The following LRFN5 variants were observed in gnomAD, a reference collection of about 807,000 sequenced individuals.
The protein encoded by LRFN5 is leucine rich repeat and fibronectin type III domain containing 5, also known as leucine-rich repeat and fibronectin type-III domain-containing protein 5.
Under a neutral mutation model 45.6 loss-of-function variants are expected in LRFN5, and 24 were observed. That is an observed-to-expected ratio of 0.53 (90% CI 0.38 to 0.74). The LOEUF is 0.74. Among genes scored for constraint, LRFN5 ranks in the 30% least tolerant of loss-of-function variants. The pLI is 0.00. For synonymous variants in LRFN5, 340 were observed against 313.8 expected, an observed-to-expected ratio of 1.08 and a Z score of -0.88; for missense variants, 776 against 861.5, an observed-to-expected ratio of 0.90 and a Z score of 1.24.
At chr14:41,879,307 C>T (rs1328004557) in intron 2 of LRFN5, among the ~76,000 whole-genome samples, 1 of 151,780 alleles carries the variant, frequency 6.6e-6, no homozygotes, top group Non-Finnish European at 1.5e-5. Flanking sequence ...TATTATTCTT[C>T]CTTTGGAGCA....
At chr14:41,791,102 G>C (rs1166680554) in intron 2 of LRFN5, among the ~76,000 whole-genome samples, 1 of 151,546 alleles carries the variant, frequency 6.6e-6, no homozygotes, top group Non-Finnish European at 1.5e-5. Context: ...TTGACTTTAA[G>C]AGTTAAAAAT....
intron 1 of LRFN5, among the ~76,000 whole-genome samples, chr14:41,623,290 TG>T (rs1356418862): frequency 2.0e-5 from 3 of 152,142 alleles, no homozygotes; most frequent in African/African-American, 7.2e-5. Context: ...GTCCCATACC[TG>T]CCACCTTGTG....
chr14:41,903,815 T>G (rs1377132191), intron 5 of LRFN5, among the ~76,000 whole-genome samples: 1 of 152,036 alleles, frequency 6.6e-6, no homozygotes, highest in Non-Finnish European at 1.5e-5. Flanking sequence ...TTTGTTTATC[T>G]TACCTTGAAA....
intron 1 of LRFN5, among the ~76,000 whole-genome samples, chr14:41,690,547 T>A (rs1315766870): frequency 6.6e-6 from 1 of 152,070 alleles, no homozygotes; most frequent in Non-Finnish European, 1.5e-5. Context: ...AAAGCAACAC[T>A]CTGTCTCAAA....
chr14:41,838,482 C>T (rs1301952815), intron 2 of LRFN5, among the ~76,000 whole-genome samples: 1 of 152,124 alleles, frequency 6.6e-6, no homozygotes, highest in Non-Finnish European at 1.5e-5. Context: ...TTTCTAATTT[C>T]TGCATTTAGA....
intron 1 of LRFN5, among the ~76,000 whole-genome samples, chr14:41,641,325 A>G (rs1481493399): frequency 6.6e-6 from 1 of 152,102 alleles, no homozygotes; most frequent in Non-Finnish European, 1.5e-5. Flanking sequence ...ATTTCGTAAA[A>G]TGGATGAAAG....
chr14:41,895,024 G>T (rs1163664821), intron 4 of LRFN5: 2 of 983,042 alleles, frequency 2.0e-6, no homozygotes, highest in Non-Finnish European at 2.4e-6. Flanking sequence ...TTGTCATTTT[G>T]CATTATAGTT....
chr14:41,630,917 G>A (rs1315077812), intron 1 of LRFN5, among the ~76,000 whole-genome samples: 1 of 152,020 alleles, frequency 6.6e-6, no homozygotes, highest in East Asian at 1.9e-4. Flanking sequence ...ATAATCTGGA[G>A]ATCTTTTCTG....
At chr14:41,659,921 A>G (rs1411599820) in intron 1 of LRFN5, among the ~76,000 whole-genome samples, 1 of 148,314 alleles carries the variant, frequency 6.7e-6, no homozygotes, top group Non-Finnish European at 1.5e-5. Context: ...AATTTGCTTA[A>G]GTTCTTTGTA....
chr14:41,761,014 G>A (rs958731679), intron 1 of LRFN5, among the ~76,000 whole-genome samples: 11 of 152,092 alleles, frequency 7.2e-5, no homozygotes, highest in African/African-American at 2.7e-4. Flanking sequence ...CCTGATGGAA[G>A]TAGTGGAAAG....
intron 1 of LRFN5, among the ~76,000 whole-genome samples, chr14:41,705,427 A>C (rs1047730961): frequency 1.1e-4 from 16 of 152,212 alleles, no homozygotes; most frequent in African/African-American, 3.4e-4. Flanking sequence ...TATATGAAAT[A>C]ATACATACTA....
intron 2 of LRFN5, among the ~76,000 whole-genome samples, chr14:41,857,922 A>G (rs1249503978): frequency 6.6e-6 from 1 of 152,222 alleles, no homozygotes; most frequent in African/African-American, 2.4e-5. Context: ...AAGAGCTGAA[A>G]TGATTGGGCA....
intron 1 of LRFN5, among the ~76,000 whole-genome samples, chr14:41,749,292 A>G (rs566664313): frequency 4.1e-4 from 62 of 152,258 alleles, no homozygotes; most frequent in Middle Eastern, 3.4e-3. Context: ...GACTGAATCC[A>G]TTTATAAAGC....
intron 2 of LRFN5, among the ~76,000 whole-genome samples, chr14:41,863,686 T>A (rs1318621516): frequency 6.6e-6 from 1 of 152,224 alleles, no homozygotes; most frequent in Non-Finnish European, 1.5e-5. Flanking sequence ...TAAAGAATGA[T>A]TTGTTTTATT....
At chr14:41,671,727 C>T (rs1339093554) in intron 1 of LRFN5, among the ~76,000 whole-genome samples, 2 of 146,820 alleles carry the variant, frequency 1.4e-5, no homozygotes, top group Non-Finnish European at 3.0e-5. Flanking sequence ...AGCTATTCTC[C>T]TGCCTCTCAG....
intron 1 of LRFN5, among the ~76,000 whole-genome samples, chr14:41,623,846 A>G (rs1200335004): frequency 6.6e-6 from 1 of 152,106 alleles, no homozygotes; most frequent in African/African-American, 2.4e-5. Flanking sequence ...TCCCCTTTTC[A>G]TAGTCATTTT....
chr14:41,877,110 G>A (rs186028732), intron 2 of LRFN5, among the ~76,000 whole-genome samples: 8 of 152,130 alleles, frequency 5.3e-5, no homozygotes, highest in Admixed American at 3.3e-4. Flanking sequence ...GGAAATAGAT[G>A]TCTCTCTCTC....
chr14:41,723,176 C>T (rs563579687), intron 1 of LRFN5, among the ~76,000 whole-genome samples: 3 of 152,154 alleles, frequency 2.0e-5, no homozygotes, highest in Admixed American at 6.5e-5. Flanking sequence ...ACCAGGCAAG[C>T]GGATACTCCT....
intron 1 of LRFN5, among the ~76,000 whole-genome samples, chr14:41,656,807 T>C (rs184535870): frequency 2.1e-4 from 32 of 151,778 alleles, no homozygotes; most frequent in Admixed American, 1.1e-3. Flanking sequence ...AAGTGTGACA[T>C]TATTTTATTT....
Sources: gnomAD v4.1 joint callset for allele counts (sites outside exome capture counted in the v4.1 genomes callset) on GRCh38, gnomAD v4.1.1 for gene constraint, MANE v1.5 for transcripts, NCBI Gene and HGNC (gene_info 2026-07-23, HGNC 2026-07-21) for gene names.